Variants in RPS24 observed in about 807,000 individuals in gnomAD.
The protein encoded by RPS24 is ribosomal protein S24, also known as small ribosomal subunit protein eS24.
For missense variants in RPS24, 100 were observed against 162.5 expected, an observed-to-expected ratio of 0.62 and a Z score of 2.09; for synonymous variants, 72 against 55.6, an observed-to-expected ratio of 1.30 and a Z score of -1.31.
At chr10:78,054,415 C>A in intron 4 of RPS24, 1 of 977,146 alleles carries the variant, frequency 1.0e-6, no homozygotes, top group East Asian at 2.6e-5. Context: ...TGCTGCTGAT[C>A]TTCCCTGGTA....
At chr10:78,046,765 T>C (rs1201910666) in intron 4 of RPS24, among the ~76,000 whole-genome samples, 1 of 152,214 alleles carries the variant, frequency 6.6e-6, no homozygotes, top group Non-Finnish European at 1.5e-5. Context: ...TATGGCATCC[T>C]ATGATAAGCC....
At chr10:78,043,699 G>C (rs1299232054), downstream of RPS24, among the ~76,000 whole-genome samples, 1 of 152,232 alleles carries the variant, frequency 6.6e-6, no homozygotes, top group Non-Finnish European at 1.5e-5. Flanking sequence ...TCCTTTCTGT[G>C]AAGTAGCAGA....
intron 4 of RPS24, among the ~76,000 whole-genome samples, chr10:78,049,580 C>G (rs904657890): frequency 6.6e-6 from 1 of 152,214 alleles, no homozygotes; most frequent in Non-Finnish European, 1.5e-5. Context: ...CACTTTGCTG[C>G]CAATGCTGGT....
chr10:78,055,114 T>G (rs1848137977), exon 5 of RPS24: 1 of 1,432,682 alleles, frequency 7.0e-7, no homozygotes, highest in Admixed American at 2.9e-5. Context: ...CGGAGTCACA[T>G]GAGCTGGCAC....
intron 4 of RPS24, among the ~76,000 whole-genome samples, chr10:78,047,060 G>A (rs1427366140): frequency 6.6e-6 from 1 of 151,626 alleles, no homozygotes; most frequent in African/African-American, 2.4e-5. Context: ...TCCTGGGTGC[G>A]ATTCTCCACC....
At chr10:78,052,427 T>C (rs1232472670) in intron 4 of RPS24, among the ~76,000 whole-genome samples, 3 of 152,222 alleles carry the variant, frequency 2.0e-5, no homozygotes, top group Admixed American at 6.5e-5. Flanking sequence ...TACTATTCAC[T>C]GTGTTGGGCA....
chr10:78,045,683 A>T (rs1262903028), downstream of RPS24, among the ~76,000 whole-genome samples: 1 of 151,530 alleles, frequency 6.6e-6, no homozygotes, highest in South Asian at 2.1e-4. Flanking sequence ...GGGTTTCACC[A>T]TGTTGGCCAG....
intron 4 of RPS24, 46 bp downstream of exon 4, chr10:78,037,350 C>G: frequency 6.5e-7 from 1 of 1,550,168 alleles, no homozygotes. Context: ...AATTGTAGGT[C>G]TTTAGTTTCT....
At chr10:78,044,390 T>G (rs1479701072), downstream of RPS24, among the ~76,000 whole-genome samples, 2 of 152,110 alleles carry the variant, frequency 1.3e-5, no homozygotes, top group Non-Finnish European at 2.9e-5. Flanking sequence ...TAGGTAGGCA[T>G]TCTCTTGAAT....
chr10:78,035,285 T>C, intron 1 of RPS24, 67 bp from the exon 2 acceptor site: 1 of 1,492,614 alleles, frequency 6.7e-7, no homozygotes, highest in Admixed American at 1.7e-5. Flanking sequence ...TTCTAGGTCT[T>C]GGAAAATCAC....
intron 4 of RPS24, chr10:78,038,814 TAG>T (rs2131982667): frequency 6.6e-6 from 1 of 152,266 alleles, no homozygotes; most frequent in African/African-American, 2.4e-5. Context: ...CAATTTTTTG[TAG>T]AGACAGGATT....
At chr10:78,048,412 C>G (rs947277295) in intron 4 of RPS24, among the ~76,000 whole-genome samples, 2 of 152,160 alleles carry the variant, frequency 1.3e-5, no homozygotes, top group East Asian at 3.9e-4. Context: ...CCTATACTCT[C>G]GGTGACTGCT....
intron 4 of RPS24, chr10:78,038,078 A>G (rs1847915026): frequency 2.8e-6 from 2 of 719,042 alleles, no homozygotes; most frequent in Non-Finnish European, 4.1e-6. Flanking sequence ...ACAGTTTTAT[A>G]GTATGGTCGA....
At position 78,037,244 on chromosome 10, in the gene RPS24, C is replaced by T; in HGVS notation, c.330C>T (p.Arg110=). The change falls in exon 4 of 6, where the codon CGC becomes CGT. Residue 110 remains arginine (R), a synonymous_variant. Coordinates refer to ENST00000372360, the MANE Select transcript of RPS24 (RefSeq NM_033022.4). ...CCTCAAGAAAGCAACGAAAGGAACG[C>T]AAGAACAGAATGAAGAAAGTCAGGG... ...KKTSRKQRKE[R]KNRMKKVRGT... 6.2e-7 allele frequency: 1 copy of T among 1,608,358 alleles called. No homozygotes were observed. The highest frequency in any genetic ancestry group is 8.5e-7 in the Non-Finnish European group (1 of 1,177,466).
chr10:78,051,638 A>G (rs1036237548), intron 4 of RPS24, among the ~76,000 whole-genome samples: 3 of 152,216 alleles, frequency 2.0e-5, no homozygotes, highest in Non-Finnish European at 4.4e-5. Context: ...CTCTCTGGTT[A>G]ACTGTTTTCC....
intron 4 of RPS24, among the ~76,000 whole-genome samples, chr10:78,052,645 G>A (rs548646808): frequency 1.3e-5 from 2 of 152,318 alleles, no homozygotes; most frequent in African/African-American, 2.4e-5. Flanking sequence ...GTTGGATTTG[G>A]AAGCCACGAG....
intron 1 of RPS24, 174 bp downstream of exon 1, chr10:78,034,078 C>T (rs1847802079): frequency 8.9e-6 from 6 of 672,408 alleles, no homozygotes; most frequent in Admixed American, 8.4e-5. Flanking sequence ...TCCGGGCTGG[C>T]GGGCTGCGCT....
downstream of RPS24, among the ~76,000 whole-genome samples, chr10:78,043,129 A>G (rs1848004541): frequency 6.6e-6 from 1 of 152,066 alleles, no homozygotes; most frequent in South Asian, 2.1e-4. Flanking sequence ...TCAGCCTCCC[A>G]AGTAGCTGGG....
At chr10:78,050,422 C>A (rs535680685) in intron 4 of RPS24, among the ~76,000 whole-genome samples, 1 of 152,306 alleles carries the variant, frequency 6.6e-6, no homozygotes, top group African/African-American at 2.4e-5. Context: ...AGCCACCACT[C>A]CCACCGCTGA....
Sources: allele counts gnomAD v4.1 joint callset (sites outside exome capture counted in the v4.1 genomes callset), GRCh38; gene constraint gnomAD v4.1.1; transcripts MANE v1.5; gene names NCBI Gene and HGNC (gene_info 2026-07-23, HGNC 2026-07-21).